THSD7B: variants seen among roughly 807,000 people sequenced by gnomAD.
The protein encoded by THSD7B is thrombospondin type-1 domain-containing protein 7B.
Under a neutral mutation model 213.6 loss-of-function variants are expected in THSD7B, and 138 were observed. That is an observed-to-expected ratio of 0.65 (90% confidence interval 0.56 to 0.74). The LOEUF is 0.74. Among genes scored for constraint, THSD7B ranks in the 30% least tolerant of loss-of-function variants. THSD7B has a pLI of 0.00. For missense variants in THSD7B, 1,931 were observed against 1,991.5 expected, an observed-to-expected ratio of 0.97 and a Z score of 0.58; for synonymous variants, 742 against 687.0, an observed-to-expected ratio of 1.08 and a Z score of -1.25.
At chr2:136,998,336 G>A (rs927760182) in intron 2 of THSD7B, among the ~76,000 whole-genome samples, 1 of 151,338 alleles carries the variant, frequency 6.6e-6, no homozygotes, top group Admixed American at 6.6e-5. Flanking sequence ...CAAATCTAAG[G>A]TTTTTTTCCC....
intron 1 of THSD7B, among the ~76,000 whole-genome samples, chr2:136,857,144 A>G (rs1212421848): frequency 6.6e-6 from 1 of 152,242 alleles, no homozygotes; most frequent in Non-Finnish European, 1.5e-5. Context: ...TAAGCATTAA[A>G]TTAAAACTTA....
chr2:136,928,558 C>A (rs571614766), intron 2 of THSD7B, among the ~76,000 whole-genome samples: 35 of 152,082 alleles, frequency 2.3e-4, no homozygotes, highest in Non-Finnish European at 4.4e-4. Flanking sequence ...ATCTAATGAC[C>A]TAGGTTGGAA....
At position 137,130,599 on chromosome 2, in the gene THSD7B, A is replaced by G. The variant is rs554525426; in HGVS notation, c.1369+15306A>G. Among the ~76,000 whole-genome samples, 81 of 140,382 alleles carry G rather than the reference A, an allele frequency of 5.8e-4. 1 individual carries two copies. Among genetic ancestry groups the G allele is most frequent in the African/African-American group, 2.2e-3 (80 of 36,722 alleles). The allele number at this position is 140,382 out of a possible 152,430, so 92.1% of individuals were successfully genotyped here. ...TGTGTCCATGTGTTCTCATTGTTCA[A>G]TTCCCACCTGTGAGTGAGAACATGT... On this transcript the variant is annotated intron_variant, in intron 5 of 27. Transcript: ENST00000409968.
intron 2 of THSD7B, among the ~76,000 whole-genome samples, chr2:137,040,231 C>G (rs1481394010): frequency 1.3e-5 from 2 of 152,090 alleles, no homozygotes; most frequent in Non-Finnish European, 2.9e-5. Context: ...CAAATGTGTT[C>G]CGGTAGAAAG....
chr2:137,345,950 T>C (rs974202968), intron 12 of THSD7B, among the ~76,000 whole-genome samples: 2 of 151,596 alleles, frequency 1.3e-5, no homozygotes, highest in African/African-American at 4.8e-5. Flanking sequence ...TGATGACATG[T>C]CAAGGTTGCT....
chr2:137,088,937 A>G (rs1687893548), intron 3 of THSD7B, among the ~76,000 whole-genome samples: 2 of 152,154 alleles, frequency 1.3e-5, no homozygotes, highest in African/African-American at 4.8e-5. Context: ...CCTTACTCCT[A>G]CAAGAATGGC....
intron 12 of THSD7B, among the ~76,000 whole-genome samples, chr2:137,349,799 T>C (rs904343440): frequency 5.3e-5 from 8 of 151,490 alleles, no homozygotes; most frequent in Admixed American, 1.3e-4. Flanking sequence ...GTGACAATGA[T>C]AATATGCTAA....
chr2:137,585,129 G>T (rs939027067), intron 17 of THSD7B, among the ~76,000 whole-genome samples: 2 of 152,152 alleles, frequency 1.3e-5, no homozygotes, highest in Admixed American at 1.3e-4. Context: ...TTTGCATAGA[G>T]GTGTTTATAG....
chr2:136,978,117 C>T (rs915287957), intron 2 of THSD7B, among the ~76,000 whole-genome samples: 9 of 152,146 alleles, frequency 5.9e-5, no homozygotes, highest in African/African-American at 2.2e-4. Context: ...GTTTCTTAAC[C>T]TTGAGTTCTA....
chr2:137,663,611 CT>C, intron 26 of THSD7B, 36 bp downstream of exon 26: 2 of 1,547,324 alleles, frequency 1.3e-6, no homozygotes, highest in Non-Finnish European at 1.8e-6. Context: ...TGAAAATTTT[CT>C]CATGGGAGGT....
At chr2:137,142,084 A>C (rs368281769) in intron 5 of THSD7B, among the ~76,000 whole-genome samples, 1 of 152,192 alleles carries the variant, frequency 6.6e-6, no homozygotes, top group African/African-American at 2.4e-5. Context: ...ATGACTTAAA[A>C]GAATAAACTT....
At chr2:137,311,146 G>A (rs1479000437) in intron 12 of THSD7B, among the ~76,000 whole-genome samples, 4 of 151,200 alleles carry the variant, frequency 2.6e-5, no homozygotes, top group African/African-American at 9.7e-5. Flanking sequence ...AGCATGGAAT[G>A]TTCTTCCATT....
At chr2:137,505,670 G>A (rs1360234010) in intron 15 of THSD7B, among the ~76,000 whole-genome samples, 1 of 152,170 alleles carries the variant, frequency 6.6e-6, no homozygotes, top group Non-Finnish European at 1.5e-5. Context: ...TAGATTAATG[G>A]AAAACTAGAG....
In THSD7B at chr2:137,183,530, A is replaced by G. The variant is rs148912338; in HGVS notation, c.1723+12592A>G. On this transcript the variant is annotated intron_variant, in intron 7 of 27. Coordinates refer to ENST00000409968, the MANE Select transcript of THSD7B (RefSeq NM_001316349.2). ...AATATTTGAACTGGAAGGTGCAGGC[A>G]TAGCCCACATTATAGTCTGAGATCA... Among the ~76,000 whole-genome samples the G allele has an allele frequency of 2.4e-3, 365 of 152,296 alleles. 1 individual carries two copies. Among genetic ancestry groups the G allele is most frequent in the African/African-American group, 8.5e-3 (353 of 41,574 alleles).
intron 12 of THSD7B, among the ~76,000 whole-genome samples, chr2:137,322,955 T>G (rs1017254217): frequency 2.1e-4 from 32 of 152,178 alleles, no homozygotes; most frequent in African/African-American, 7.5e-4. Flanking sequence ...ACAGCTTTTG[T>G]AAAGGAAAGT....
chr2:137,068,047 C>A (rs1310800813), intron 3 of THSD7B, among the ~76,000 whole-genome samples: 1 of 152,040 alleles, frequency 6.6e-6, no homozygotes, highest in African/African-American at 2.4e-5. Context: ...GTAGTGGTTT[C>A]TTCTCCTGGC....
intron 2 of THSD7B, among the ~76,000 whole-genome samples, chr2:136,976,684 C>A (rs151028913): frequency 3.9e-4 from 59 of 151,376 alleles, no homozygotes; most frequent in Admixed American, 8.6e-4. Context: ...CTCAGTGGTA[C>A]GATCTCGGCT....
At chr2:137,095,218 T>A in intron 4 of THSD7B, 97 bp downstream of exon 4, 1 of 1,492,196 alleles carries the variant, frequency 6.7e-7, no homozygotes, top group Non-Finnish European at 9.0e-7. Context: ...TCATATTTAT[T>A]GAGTCTTCAC....
At chr2:136,942,515 T>G (rs1249720074) in intron 2 of THSD7B, among the ~76,000 whole-genome samples, 1 of 152,222 alleles carries the variant, frequency 6.6e-6, no homozygotes, top group East Asian at 1.9e-4. Context: ...TTGTGTCCTC[T>G]TCTATTTCAC....
Sources: allele counts gnomAD v4.1 joint callset (sites outside exome capture counted in the v4.1 genomes callset), GRCh38; gene constraint gnomAD v4.1.1; transcripts MANE v1.5; gene names NCBI Gene and HGNC (gene_info 2026-07-23, HGNC 2026-07-21).